Variants in UHRF2 observed in about 807,000 individuals in gnomAD.
UHRF2 encodes the protein ubiquitin like with PHD and ring finger domains 2.
Under a neutral mutation model 96.8 loss-of-function variants are expected in UHRF2, and 23 were observed. That is an observed-to-expected ratio of 0.24 (90% confidence interval 0.17 to 0.34). UHRF2 has a LOEUF of 0.34. Ranked by LOEUF, UHRF2 falls within the 10% of genes least tolerant of loss-of-function variation. UHRF2 has a pLI of 1.00. For missense variants in UHRF2, 685 were observed against 981.5 expected, an observed-to-expected ratio of 0.70 and a Z score of 4.04; for synonymous variants, 385 against 332.6, an observed-to-expected ratio of 1.16 and a Z score of -1.72.
At chr9:6,430,667 C>G (rs1820515203) in intron 2 of UHRF2, among the ~76,000 whole-genome samples, 2 of 152,102 alleles carry the variant, frequency 1.3e-5, no homozygotes, top group African/African-American at 4.8e-5. Context: ...AGCCAGGTAC[C>G]AAACAACTAG....
At chr9:6,423,885 C>T (rs1259989612) in intron 2 of UHRF2, among the ~76,000 whole-genome samples, 1 of 151,882 alleles carries the variant, frequency 6.6e-6, no homozygotes, top group Admixed American at 6.6e-5. Flanking sequence ...GCAGAGGTTG[C>T]AGTGAGCCAA....
intron 10 of UHRF2, chr9:6,496,193 C>T (rs1472691597): frequency 6.6e-6 from 1 of 151,978 alleles, no homozygotes; most frequent in Non-Finnish European, 1.5e-5. Context: ...GAATTAAACC[C>T]TGAAGAAGTA....
At chr9:6,489,971 T>A (rs1441660423) in intron 9 of UHRF2, among the ~76,000 whole-genome samples, 1 of 152,244 alleles carries the variant, frequency 6.6e-6, no homozygotes, top group African/African-American at 2.4e-5. Context: ...TTTGCATTCT[T>A]CTTTAGCATC....
chr9:6,413,577 C>A lies in UHRF2; in HGVS notation c.87C>A (p.Arg29=). 1.9e-6 allele frequency: 3 copies of A among 1,603,286 alleles called. No individual in the cohort carries two copies. Among genetic ancestry groups the A allele is most frequent in the Admixed American group, 3.4e-5 (2 of 58,814 alleles). ...GCAAAGCCACGATTGAGGAGCTGCGCGAGCGGGTGTGGGCGCTGTTCGACG... is the reference window on the plus strand; with the variant it reads ...GCAAAGCCACGATTGAGGAGCTGCGAGAGCGGGTGTGGGCGCTGTTCGACG... ...VSRKATIEEL[R]ERVWALFDVR... Residue 29 remains arginine, a synonymous_variant, in exon 1 of 16, where the codon CGC becomes CGA. Transcript: ENST00000276893.
rs372784676 is a variant in UHRF2 at position 6,475,106 on chromosome 9, CAG to C, written c.864-282_864-281del. 1.1e-3 allele frequency among the ~76,000 whole-genome samples: 165 copies of C among 152,252 alleles called. 1 individual carries two copies. In the East Asian group the frequency reaches 0.014, roughly 13 times the overall value. ...TATTTAAATCTTTCATTTTAATTGA[CAG>C]AGTGCCATTTTATCTAGTCTTTAAA... On this transcript the variant is annotated intron_variant, in intron 4 of 15. Coordinates refer to ENST00000276893, the MANE Select transcript of UHRF2 (RefSeq NM_152896.3).
chr9:6,497,973 T>G, intron 11 of UHRF2, 45 bp from the exon 12 acceptor site: 1 of 1,604,016 alleles, frequency 6.2e-7, no homozygotes. Flanking sequence ...GATGAATAAG[T>G]CTAAATTTTA....
In UHRF2 at chr9:6,506,411, C is replaced by G. The variant is rs1470644794; in HGVS notation, c.*232C>G. 4.9e-6 allele frequency: 2 copies of G among 407,926 alleles called. No individual in the cohort carries two copies. Among genetic ancestry groups the G allele is most frequent in the Non-Finnish European group, 8.5e-6 (2 of 236,062 alleles). 25.3% of individuals were successfully genotyped at this position (407,926 alleles called of 1,614,324 possible). On this transcript the variant is annotated 3_prime_UTR_variant, in exon 16 of 16. Coordinates refer to ENST00000276893, the MANE Select transcript of UHRF2 (RefSeq NM_152896.3). Reference sequence around the variant, plus strand: ...CAACTAGTTTTAATGAGTAAAAAGTCAAAGCCTCAGCTCTAGTTGATATCC... The same window carrying G: ...CAACTAGTTTTAATGAGTAAAAAGTGAAAGCCTCAGCTCTAGTTGATATCC...
At chr9:6,484,224 C>G (rs1824107798) in intron 8 of UHRF2, among the ~76,000 whole-genome samples, 2 of 152,110 alleles carry the variant, frequency 1.3e-5, no homozygotes, top group Admixed American at 6.5e-5. Context: ...TACCACCATG[C>G]CTGGCTGTGT....
At chr9:6,484,234 TTTTTG>T in intron 8 of UHRF2, among the ~76,000 whole-genome samples, 1 of 151,966 alleles carries the variant, frequency 6.6e-6, no homozygotes, top group East Asian at 1.9e-4. Flanking sequence ...CCTGGCTGTG[TTTTTG>T]TTTTGTTTTG....
At chr9:6,432,251 C>G (rs919773460) in intron 2 of UHRF2, among the ~76,000 whole-genome samples, 2 of 152,152 alleles carry the variant, frequency 1.3e-5, no homozygotes, top group Non-Finnish European at 2.9e-5. Context: ...TATTTCATTG[C>G]TACCATGTTC....
intron 4 of UHRF2, chr9:6,468,353 A>G (rs1005840342): frequency 4.6e-6 from 2 of 435,794 alleles, no homozygotes; most frequent in African/African-American, 2.0e-5. Context: ...GTTTGCAGGT[A>G]GGGTGGGACA....
chr9:6,435,660 T>A (rs139055222), intron 3 of UHRF2, among the ~76,000 whole-genome samples: 34 of 152,194 alleles, frequency 2.2e-4, no homozygotes, highest in African/African-American at 7.9e-4. Context: ...AGGCTGGAGT[T>A]CAGTGGTGCG....
intron 5 of UHRF2, among the ~76,000 whole-genome samples, chr9:6,476,820 C>G (rs887743785): frequency 2.6e-5 from 4 of 152,100 alleles, no homozygotes; most frequent in African/African-American, 7.2e-5. Flanking sequence ...GTCTCGAACT[C>G]CTGAGCTCGT....
intron 1 of UHRF2, among the ~76,000 whole-genome samples, chr9:6,420,629 C>A (rs1295276623): frequency 1.3e-5 from 2 of 151,424 alleles, no homozygotes; most frequent in Admixed American, 6.6e-5. Context: ...ATGGTGTGAA[C>A]CCGGGAGGAG....
chr9:6,445,812 C>A (rs902920095), intron 3 of UHRF2, among the ~76,000 whole-genome samples: 12 of 152,116 alleles, frequency 7.9e-5, no homozygotes, highest in Non-Finnish European at 1.8e-4. Context: ...AGTCCTTCCC[C>A]CTTGGCCTCC....
At chr9:6,461,275 C>G (rs575868870) in intron 4 of UHRF2, among the ~76,000 whole-genome samples, 8 of 152,038 alleles carry the variant, frequency 5.3e-5, no homozygotes, top group Admixed American at 2.6e-4. Flanking sequence ...TCACCTGAAT[C>G]AAATCCTTCA....
chr9:6,469,965 A>G (rs79038012), intron 4 of UHRF2, among the ~76,000 whole-genome samples: 3,035 of 152,224 alleles, frequency 0.02, 103 homozygotes, highest in African/African-American at 0.07. Context: ...ACAGTGGTAT[A>G]TCACAAACAA....
intron 3 of UHRF2, among the ~76,000 whole-genome samples, chr9:6,450,703 T>C (rs1209122583): frequency 6.6e-6 from 1 of 152,230 alleles, no homozygotes; most frequent in African/African-American, 2.4e-5. Flanking sequence ...ATTTTTAACC[T>C]ATCCCAGTTG....
intron 2 of UHRF2, among the ~76,000 whole-genome samples, chr9:6,427,093 A>G (rs192012396): frequency 9.8e-5 from 15 of 152,304 alleles, no homozygotes; most frequent in Middle Eastern, 3.4e-3. Context: ...TGTATTTCCC[A>G]TAGTGCAAGT....
Sources: allele counts gnomAD v4.1 joint callset (sites outside exome capture counted in the v4.1 genomes callset), GRCh38; gene constraint gnomAD v4.1.1; transcripts MANE v1.5; gene names NCBI Gene and HGNC (gene_info 2026-07-23, HGNC 2026-07-21).